Variants in LRRC4C observed in about 807,000 individuals in gnomAD.
The protein encoded by LRRC4C is leucine-rich repeat-containing protein 4C.
In LRRC4C, 5 loss-of-function variants were observed where a neutral mutation model predicts 33.6. The ratio of observed to expected loss-of-function variants is 0.15; its 90% CI spans 0.08 to 0.31. LRRC4C has a LOEUF of 0.31. LRRC4C is among the 10% of genes least tolerant of loss of function. The pLI is 1.00. For synonymous variants in LRRC4C, 329 were observed against 302.0 expected, an observed-to-expected ratio of 1.09 and a Z score of -0.93; for missense variants, 560 against 796.7, an observed-to-expected ratio of 0.70 and a Z score of 3.58.
intron 5 of LRRC4C, among the ~76,000 whole-genome samples, chr11:40,203,802 AG>A (rs574500752): frequency 1.3e-5 from 2 of 152,240 alleles, no homozygotes; most frequent in Non-Finnish European, 2.9e-5. Flanking sequence ...ACAATGTGGA[AG>A]CACTGACTGG....
At chr11:41,150,070 A>G (rs1245967992) in intron 1 of LRRC4C, among the ~76,000 whole-genome samples, 1 of 152,180 alleles carries the variant, frequency 6.6e-6, no homozygotes, top group Non-Finnish European at 1.5e-5. Flanking sequence ...ATAAAATCAT[A>G]TCTTCCCTTA....
chr11:40,823,363 T>C (rs967136734), intron 2 of LRRC4C, among the ~76,000 whole-genome samples: 8 of 151,580 alleles, frequency 5.3e-5, no homozygotes, highest in African/African-American at 1.9e-4. Context: ...ACTCTGTGCT[T>C]CAGAAGACAA....
At chr11:40,724,561 G>A (rs1947193244) in intron 2 of LRRC4C, among the ~76,000 whole-genome samples, 1 of 152,072 alleles carries the variant, frequency 6.6e-6, no homozygotes, top group African/African-American at 2.4e-5. Context: ...GGCAATAAAT[G>A]AAAGCAGAAA....
At chr11:41,011,168 C>T (rs1249300426) in intron 1 of LRRC4C, among the ~76,000 whole-genome samples, 5 of 152,222 alleles carry the variant, frequency 3.3e-5, no homozygotes, top group African/African-American at 9.6e-5. Context: ...ACATGATATA[C>T]AACAAATTTT....
intron 3 of LRRC4C, among the ~76,000 whole-genome samples, chr11:40,607,961 G>C (rs1203430186): frequency 6.6e-6 from 1 of 152,046 alleles, no homozygotes; most frequent in Non-Finnish European, 1.5e-5. Context: ...AAAGAAGCAA[G>C]CCACTTCTCC....
chr11:41,202,788 AT>A (rs34535654), intron 1 of LRRC4C, among the ~76,000 whole-genome samples: 31,087 of 142,666 alleles, frequency 0.22, 3,506 homozygotes, highest in East Asian at 0.4. Context: ...TTGAAAACCG[AT>A]TTTTTTTTTT....
intron 3 of LRRC4C, among the ~76,000 whole-genome samples, chr11:40,453,439 T>C (rs528268887): frequency 1.3e-5 from 2 of 152,196 alleles, no homozygotes; most frequent in Admixed American, 6.5e-5. Context: ...CTCCAGGCAA[T>C]ACAGCTGGTG....
intron 2 of LRRC4C, among the ~76,000 whole-genome samples, chr11:40,927,586 C>A (rs1220170558): frequency 6.6e-6 from 1 of 152,016 alleles, no homozygotes; most frequent in African/African-American, 2.4e-5. Flanking sequence ...TTATATAAGT[C>A]AATTTTGTAC....
rs539674444 is a variant in LRRC4C at position 40,215,875 on chromosome 11, A to G, written c.-96+25644T>C. Among the ~76,000 whole-genome samples the G allele has an allele frequency of 3.6e-4, 55 of 152,286 alleles. No homozygotes were observed. In the Middle Eastern group the frequency reaches 0.01, roughly 28 times the overall value. ...AAGCCTAAGGAGAGAGAGCTCAAAG[A>G]ATGGACACTCTTTGGCAAGCCCAAA... On this transcript the variant is annotated intron_variant, in intron 5 of 6. Transcript: ENST00000528697.
chr11:40,321,053 A>G (rs983967323), intron 3 of LRRC4C, among the ~76,000 whole-genome samples: 2 of 152,204 alleles, frequency 1.3e-5, no homozygotes, highest in African/African-American at 4.8e-5. Context: ...AACTCTTTGG[A>G]GTCTAATGAC....
intron 5 of LRRC4C, among the ~76,000 whole-genome samples, chr11:40,144,267 A>T (rs1857567245): frequency 6.6e-6 from 1 of 152,188 alleles, no homozygotes. Context: ...TCTTTGAATT[A>T]TATGTATTTT....
chr11:40,155,710 C>T (rs983115993), intron 5 of LRRC4C, among the ~76,000 whole-genome samples: 17 of 151,882 alleles, frequency 1.1e-4, no homozygotes, highest in African/African-American at 4.1e-4. Context: ...GAAATGATAA[C>T]TAAAATATTA....
At chr11:40,665,888 A>T (rs1943781025) in intron 2 of LRRC4C, among the ~76,000 whole-genome samples, 1 of 152,156 alleles carries the variant, frequency 6.6e-6, no homozygotes, top group African/African-American at 2.4e-5. Flanking sequence ...AATAGAATAG[A>T]ATACAATATA....
At chr11:40,613,829 G>A (rs1324924522) in intron 3 of LRRC4C, among the ~76,000 whole-genome samples, 1 of 151,798 alleles carries the variant, frequency 6.6e-6, no homozygotes, top group African/African-American at 2.4e-5. Flanking sequence ...GTACATCTCT[G>A]TAAGAGTCTT....
intron 1 of LRRC4C, among the ~76,000 whole-genome samples, chr11:41,424,982 A>C (rs1242664246): frequency 6.6e-6 from 1 of 152,132 alleles, no homozygotes; most frequent in African/African-American, 2.4e-5. Flanking sequence ...AGAAAGAAAT[A>C]GGATTGGTAC....
At chr11:40,724,411 T>C (rs1947184980) in intron 2 of LRRC4C, among the ~76,000 whole-genome samples, 1 of 152,138 alleles carries the variant, frequency 6.6e-6, no homozygotes, top group Non-Finnish European at 1.5e-5. Flanking sequence ...AGCATACTAT[T>C]GAGCCAGAGT....
chr11:40,384,679 G>T (rs1949034330), intron 3 of LRRC4C, among the ~76,000 whole-genome samples: 1 of 152,012 alleles, frequency 6.6e-6, no homozygotes, highest in Non-Finnish European at 1.5e-5. Flanking sequence ...TTTTCTTTTA[G>T]CTCCTACATT....
At chr11:40,956,749 G>C (rs1958972622) in intron 1 of LRRC4C, among the ~76,000 whole-genome samples, 1 of 151,562 alleles carries the variant, frequency 6.6e-6, no homozygotes, top group Admixed American at 6.6e-5. Flanking sequence ...TTTGGGCTAG[G>C]ACCCTCTTTC....
At chr11:41,059,363 CAGGTATTAT>C (rs1444473954) in intron 1 of LRRC4C, among the ~76,000 whole-genome samples, 1 of 151,770 alleles carries the variant, frequency 6.6e-6, no homozygotes, top group Non-Finnish European at 1.5e-5. Flanking sequence ...ACTTGATAAA[CAGGTATTAT>C]AGCTTTCTTA....
Sources: allele counts gnomAD v4.1 joint callset (sites outside exome capture counted in the v4.1 genomes callset), GRCh38; gene constraint gnomAD v4.1.1; transcripts MANE v1.5; gene names NCBI Gene and HGNC (gene_info 2026-07-23, HGNC 2026-07-21).